Variants in PPM1D observed in about 807,000 individuals in gnomAD.
The protein encoded by PPM1D is protein phosphatase, Mg2+/Mn2+ dependent 1D, also known as protein phosphatase 1D.
PPM1D carries 52 observed loss-of-function variants against 58.3 expected under a neutral mutation model. The observed-to-expected ratio is 0.89, with a 90% CI of 0.71 to 1.12. The LOEUF (loss-of-function observed/expected upper bound fraction) is 1.12. Ranked by LOEUF, PPM1D falls within the 50% of genes most tolerant of loss-of-function variation. The pLI is 0.00. For synonymous variants in PPM1D, 278 were observed against 285.1 expected, an observed-to-expected ratio of 0.98 and a Z score of 0.25; for missense variants, 564 against 777.2, an observed-to-expected ratio of 0.73 and a Z score of 3.26.
At chr17:60,648,228 G>A in intron 4 of PPM1D, 146 bp downstream of exon 4, 1 of 746,260 alleles carries the variant, frequency 1.3e-6, no homozygotes, top group South Asian at 2.1e-5. Flanking sequence ...CATAGGCTTT[G>A]TAGCTCCTAA....
At chr17:60,647,415 T>A (rs1486500756) in intron 3 of PPM1D, among the ~76,000 whole-genome samples, 1 of 152,198 alleles carries the variant, frequency 6.6e-6, no homozygotes, top group Non-Finnish European at 1.5e-5. Flanking sequence ...ACTTATATAT[T>A]GGGTTTGTAT....
chr17:60,617,129 T>C (rs867468231), intron 1 of PPM1D, among the ~76,000 whole-genome samples: 1 of 133,478 alleles, frequency 7.5e-6, no homozygotes, highest in Non-Finnish European at 1.6e-5. Flanking sequence ...AAAAAAAAAA[T>C]TTTTTTTTTT....
At chr17:60,601,420 A>G (rs1224506151) in intron 1 of PPM1D, among the ~76,000 whole-genome samples, 1 of 152,218 alleles carries the variant, frequency 6.6e-6, no homozygotes, top group Non-Finnish European at 1.5e-5. Context: ...CTGAAACGTA[A>G]CCATCCGGCA....
At chr17:60,624,007 A>G (rs891269622) in intron 2 of PPM1D, among the ~76,000 whole-genome samples, 12 of 152,212 alleles carry the variant, frequency 7.9e-5, no homozygotes, top group African/African-American at 2.9e-4. Context: ...TCAAGGTTTT[A>G]CTGAAAACCT....
intron 2 of PPM1D, 136 bp from the exon 3 acceptor site, chr17:60,633,717 A>G (rs2143674732): frequency 9.9e-7 from 1 of 1,006,048 alleles, no homozygotes; most frequent in Non-Finnish European, 1.4e-6. Context: ...TGGCTTATGC[A>G]TCTTTGTATT....
chr17:60,613,979 T>TGCCCAAGGGCCGAGGAGTGCGG (rs2030522833), intron 1 of PPM1D, among the ~76,000 whole-genome samples: 2 of 143,714 alleles, frequency 1.4e-5, no homozygotes, highest in African/African-American at 2.5e-5. Context: ...TCCCGTCGAC[T>TGCCCAAGGGCCGAGGAGTGCGG]GCCCAAGGGC....
intron 1 of PPM1D, among the ~76,000 whole-genome samples, chr17:60,605,129 T>C (rs2030304281): frequency 6.6e-6 from 1 of 152,192 alleles, no homozygotes; most frequent in Admixed American, 6.5e-5. Context: ...TAAGTGAAAC[T>C]AGCTTGCTTT....
At chr17:60,648,923 C>T (rs1269478128) in intron 4 of PPM1D, among the ~76,000 whole-genome samples, 1 of 151,734 alleles carries the variant, frequency 6.6e-6, no homozygotes, top group African/African-American at 2.4e-5. Flanking sequence ...GCCACCCCAC[C>T]CAGCTAATTT....
intron 3 of PPM1D, among the ~76,000 whole-genome samples, chr17:60,646,625 A>G (rs1038199935): frequency 1.3e-5 from 2 of 152,212 alleles, no homozygotes; most frequent in African/African-American, 4.8e-5. Flanking sequence ...GTTGTCTTAT[A>G]TATTACAGAA....
intron 1 of PPM1D, among the ~76,000 whole-genome samples, chr17:60,607,622 A>G (rs1382352699): frequency 6.6e-6 from 1 of 152,176 alleles, no homozygotes; most frequent in Non-Finnish European, 1.5e-5. Context: ...TAAAGTTTGT[A>G]TAGGCTTTTT....
At chr17:60,649,668 A>G (rs371541951) in intron 4 of PPM1D, among the ~76,000 whole-genome samples, 77 of 152,190 alleles carry the variant, frequency 5.1e-4, no homozygotes, top group Admixed American at 2.9e-3. Flanking sequence ...CAGCCTGGGC[A>G]ATAAGAACGA....
rs527579347 is a variant in PPM1D at position 60,645,659 on chromosome 17, T to C, written c.827-2233T>C. Among the ~76,000 whole-genome samples the C allele has an allele frequency of 6.1e-3, 848 of 138,036 alleles. 4 individuals are homozygous for C. Among genetic ancestry groups the C allele is most frequent in the East Asian group, 0.015 (73 of 4,862 alleles). 90.6% of individuals were successfully genotyped at this position (138,036 alleles called of 152,430 possible). A position where few individuals can be genotyped will look rare whatever the true frequency, so the allele number is the denominator to read the frequency against. On this transcript the variant is annotated intron_variant, in intron 3 of 5. Coordinates refer to ENST00000305921, the MANE Select transcript of PPM1D (RefSeq NM_003620.4). The stretch of plus-strand genomic sequence containing the variant: ...ATGTGTGTGTGTGTATATATATATA[T>C]ACACACACACACATATACATATACA...
chr17:60,601,312 C>G (rs1363635357), intron 1 of PPM1D, among the ~76,000 whole-genome samples: 1 of 152,144 alleles, frequency 6.6e-6, no homozygotes. Flanking sequence ...AAGTCTTATC[C>G]CTCTCGGTTG....
chr17:60,616,540 G>A (rs1423929877), intron 1 of PPM1D, among the ~76,000 whole-genome samples: 1 of 152,132 alleles, frequency 6.6e-6, no homozygotes, highest in Admixed American at 6.5e-5. Context: ...AACCCAGGAG[G>A]CAGAGGTTGC....
intron 1 of PPM1D, among the ~76,000 whole-genome samples, chr17:60,621,941 A>T (rs376236615): frequency 2.1e-5 from 3 of 144,844 alleles, no homozygotes; most frequent in South Asian, 2.2e-4. Flanking sequence ...TAATCCCAAC[A>T]CTTTGGGAGG....
rs1411872043 is a variant in PPM1D, at chr17:60,606,252, A to G, written c.472+5366A>G. ...AATTTCTGCTGAATAATATCCCATCATATAGATGTATGCATGCCACATTGT... is the reference window on the plus strand; with the variant it reads ...AATTTCTGCTGAATAATATCCCATCGTATAGATGTATGCATGCCACATTGT... On this transcript the variant is annotated intron_variant, in intron 1 of 5. Coordinates refer to ENST00000305921, the MANE Select transcript of PPM1D (RefSeq NM_003620.4). 2.0e-5 allele frequency among the ~76,000 whole-genome samples: 3 copies of G among 152,204 alleles called. No homozygotes were observed. In the East Asian group the frequency reaches 5.8e-4, roughly 29 times the overall value.
chr17:60,630,724 CATA>C (rs1447549807), intron 2 of PPM1D, among the ~76,000 whole-genome samples: 3 of 152,182 alleles, frequency 2.0e-5, no homozygotes, highest in Non-Finnish European at 2.9e-5. Flanking sequence ...AAACACAGAT[CATA>C]ATATCTTTGA....
At chr17:60,630,198 T>C (rs377753336) in intron 2 of PPM1D, among the ~76,000 whole-genome samples, 1 of 151,924 alleles carries the variant, frequency 6.6e-6, no homozygotes, top group East Asian at 1.9e-4. Flanking sequence ...TAATTATAAA[T>C]AAATAAAATA....
At chr17:60,646,265 T>C (rs2031249398) in intron 3 of PPM1D, among the ~76,000 whole-genome samples, 1 of 152,162 alleles carries the variant, frequency 6.6e-6, no homozygotes, top group African/African-American at 2.4e-5. Flanking sequence ...TTTTGAAGAG[T>C]CTGGTTAGCA....
Sources: allele counts gnomAD v4.1 joint callset (sites outside exome capture counted in the v4.1 genomes callset), GRCh38; gene constraint gnomAD v4.1.1; transcripts MANE v1.5; gene names NCBI Gene and HGNC (gene_info 2026-07-23, HGNC 2026-07-21).